The following SEC16A variants were observed in gnomAD, a reference collection of about 807,000 sequenced individuals.
The protein encoded by SEC16A is SEC16 homolog A, endoplasmic reticulum export factor, also known as protein transport protein Sec16A.
In SEC16A, 110 loss-of-function variants were observed where a neutral mutation model predicts 221.9. The ratio of observed to expected loss-of-function variants is 0.50; its 90% CI spans 0.42 to 0.58. The LOEUF (loss-of-function observed/expected upper bound fraction) is 0.58, where lower values mean the gene tolerates loss of function less well. Among genes scored for constraint, SEC16A ranks in the 20% least tolerant of loss-of-function variants. SEC16A has a pLI of 0.00. For missense variants in SEC16A, 3,165 were observed against 3,097.8 expected (o/e 1.02, Z -0.52); for synonymous variants, 1,393 against 1,257.7 (o/e 1.11, Z -2.28).
intron 5 of SEC16A, among the ~76,000 whole-genome samples, chr9:136,467,936 C>A (rs1840359099): frequency 6.6e-6 from 1 of 152,234 alleles, no homozygotes; most frequent in Non-Finnish European, 1.5e-5. Flanking sequence ...TGGACGTCGC[C>A]AGGGAGCACC....
chr9:136,475,447 C>T lies in SEC16A; in HGVS notation c.2169G>A (p.Thr723=), dbSNP rs373365249. 10 of 1,609,678 alleles carry T rather than the reference C, an allele frequency of 6.2e-6. No individual in the cohort carries two copies. The highest frequency in any genetic ancestry group is 1.3e-5 in the African/African-American group (1 of 74,808). ...GCAGCTCACTTTGCGCCCACAGAGTCGTTGCTGGGCTCTCACACTTCACGG... is the reference window on the plus strand; with the variant it reads ...GCAGCTCACTTTGCGCCCACAGAGTTGTTGCTGGGCTCTCACACTTCACGG... The part of the protein sequence containing the change: ...QGPVKCESPA[T]TLWAQSELPD... The change falls in exon 3 of 32, where the codon ACG becomes ACA. Residue 723 remains threonine (T), a synonymous_variant. Transcript: ENST00000684901. The surrounding 1 kb of genome is among the most constrained non-coding windows in gnomAD (Gnocchi z 5.0).
Position 136,447,270 on chromosome 9 carries a change from G to A in SEC16A, c.6654C>T (p.Leu2218=), listed in dbSNP as rs1324208039. ...ALAPADFVAP[L]APLPIPSNLF... is the part of the protein sequence containing the mutation. ...AGTTAGAAGGAATTGGGAGTGGCGC[G>A]AGTGGAGCGACAAAGTCCGCAGGAG... The change falls in exon 27 of 32, where the codon CTC becomes CTT. Residue 2218 remains leucine, a synonymous_variant. Coordinates refer to ENST00000684901, the MANE Select transcript of SEC16A (RefSeq NM_014866.2). This position sits in a 1 kb window ranked among gnomAD's most constrained non-coding sequence, Gnocchi z 5.5. 27 of 1,597,520 alleles carry A rather than the reference G, an allele frequency of 1.7e-5. No individual in the cohort carries two copies. In the East Asian group the frequency reaches 3.2e-4, roughly 19 times the overall value.
At position 136,447,485 on chromosome 9, in the gene SEC16A, C is replaced by T; in HGVS notation, c.6559+84G>A. The T allele has an allele frequency of 6.5e-7, 1 of 1,539,150 alleles. No homozygotes were observed. Among genetic ancestry groups the T allele is most frequent in the Middle Eastern group, 1.7e-4 (1 of 5,946 alleles). ...GGGACGTGCGGGAAGCCACCTCCTCCCCACGCACAACAGCTACACATTGGC... is the reference window on the plus strand; with the variant it reads ...GGGACGTGCGGGAAGCCACCTCCTCTCCACGCACAACAGCTACACATTGGC... On this transcript the variant is annotated intron_variant, in intron 26 of 31. Transcript: ENST00000684901. This position sits in a 1 kb window ranked among gnomAD's most constrained non-coding sequence, Gnocchi z 5.5.
In SEC16A at chr9:136,460,500, A is replaced by G. The variant is rs181833362; in HGVS notation, c.4992-377T>C. Among the ~76,000 whole-genome samples the G allele has an allele frequency of 2.5e-3, 374 of 152,072 alleles. 2 individuals carry two copies. Among genetic ancestry groups the G allele is most frequent in the African/African-American group, 8.9e-3 (369 of 41,482 alleles). On this transcript the variant is annotated intron_variant, in intron 13 of 31. Coordinates refer to ENST00000684901, the MANE Select transcript of SEC16A (RefSeq NM_014866.2). ...TAGTAATAAAATAAATTTTTTAAAA[A>G]ATCAGCCCTAAGCCCTCTGATGTAA... is the stretch of plus-strand genomic sequence containing the variant.
chr9:136,477,510 T>C lies in SEC16A; in HGVS notation c.106A>G (p.Asn36Asp), dbSNP rs777440253. The C allele has an allele frequency of 9.3e-6, 15 of 1,613,744 alleles. No individual in the cohort carries two copies. Among genetic ancestry groups the C allele is most frequent in the Non-Finnish European group, 1.3e-5 (15 of 1,179,868 alleles). Residue 36 changes from asparagine (N) to aspartate (D), a missense_variant, in exon 3 of 32, where the codon AAT (asparagine) becomes GAT (aspartate). Asn to Asp is a conservative substitution (Grantham distance 23). This residue lies in a region of SEC16A where 2,030 missense variants were observed against 1,923.1 expected (regional missense o/e 1.06). Transcript: ENST00000684901. ...GTCGGAGCCACTGCTGCATTATTAT[T>C]AGCCCGTCTCCTGTAAGGGCTGCTA... is the stretch of plus-strand genomic sequence containing the variant. ...WASSPYRRRA[N>D]NNAAVAPTTC...
Position 136,472,067 on chromosome 9 carries a change from A to G in SEC16A, c.3612T>C (p.Gly1204=). The G allele has an allele frequency of 1.9e-6, 3 of 1,613,662 alleles. No homozygotes were observed. Among genetic ancestry groups the G allele is most frequent in the Non-Finnish European group, 2.5e-6 (3 of 1,179,882 alleles). ...LYEPRYRPYD[G]AASAYAQNYR... ...AGTTCTGGGCGTAAGCAGACGCAGC[A>G]CCATCATAGGGCCTGTATCGAGGCT... Residue 1204 remains glycine, a synonymous_variant, in exon 4 of 32, where the codon GGT becomes GGC. Transcript: ENST00000684901.
At position 136,476,777 on chromosome 9, in the gene SEC16A, C is replaced by A; in HGVS notation, c.839G>T (p.Arg280Ile). Reference protein sequence around the residue: ...APPAALPSDGRDEVSHLQSGS... With the variant: ...APPAALPSDGIDEVSHLQSGS... Reference sequence around the variant, plus strand: ...ACTTTGCAAGTGGCTCACCTCGTCTCTTCCGTCACTGGGCAAGGCTGCTGG... The same window carrying A: ...ACTTTGCAAGTGGCTCACCTCGTCTATTCCGTCACTGGGCAAGGCTGCTGG... The change falls in exon 3 of 32, where the codon AGA (arginine) becomes ATA (isoleucine). Residue 280 changes from arginine (R) to isoleucine (I), a missense_variant. By Grantham distance (97) the Arg-to-Ile change is moderately conservative. Around this residue, in one of 3 missense-constraint regions of SEC16A, gnomAD observed 2,030 missense variants for 1,923.1 expected, o/e 1.06. Transcript: ENST00000684901. 1 of 1,611,496 alleles carries A rather than the reference C, an allele frequency of 6.2e-7. No individual in the cohort carries two copies. Among genetic ancestry groups the A allele is most frequent in the Non-Finnish European group, 8.5e-7 (1 of 1,178,228 alleles).
rs779401100 is a variant in SEC16A, at chr9:136,466,179, C to T, written c.4129-43G>A. 1.3e-6 allele frequency: 2 copies of T among 1,569,470 alleles called. No individual in the cohort carries two copies. The highest frequency in any genetic ancestry group is 1.2e-5 in the South Asian group (1 of 84,612). On this transcript the variant is annotated intron_variant, in intron 7 of 31. Transcript: ENST00000684901. The surrounding 1 kb of genome is among the most constrained non-coding windows in gnomAD (Gnocchi z 5.5). ...ACGGGCAAAATCAATTCCCCAGGCACAGCAGTAAAACTTTAGGTACATTGC... is the reference window on the plus strand; with the variant it reads ...ACGGGCAAAATCAATTCCCCAGGCATAGCAGTAAAACTTTAGGTACATTGC...
chr9:136,464,353 A>C (rs533691572), intron 9 of SEC16A, 67 bp downstream of exon 9: 2 of 1,463,336 alleles, frequency 1.4e-6, no homozygotes, highest in Non-Finnish European at 1.8e-6. Context: ...GAAGATGACA[A>C]ACTGCAAAGC....
chr9:136,451,546 C>A lies in SEC16A; in HGVS notation c.6160-138G>T, dbSNP rs1837813262. The A allele has an allele frequency of 9.7e-7, 1 of 1,026,988 alleles. No homozygotes were observed. The highest frequency in any genetic ancestry group is 1.4e-6 in the Non-Finnish European group (1 of 733,342). 63.6% of individuals were successfully genotyped at this position (1,026,988 alleles called of 1,614,324 possible). ...GATGACTCTGGTGACCAGAGGGAGG[C>A]AGGAAGGGGGCTGGGGAGAGCAGCC... On this transcript the variant is annotated intron_variant, in intron 22 of 31. Transcript: ENST00000684901.
chr9:136,466,919 G>T lies in SEC16A; in HGVS notation c.3929+38C>A. 1 of 1,597,332 alleles carries T rather than the reference G, an allele frequency of 6.3e-7. No individual in the cohort carries two copies. The highest frequency in any genetic ancestry group is 8.5e-7 in the Non-Finnish European group (1 of 1,173,020). ...AGAGAAGCACTAGCGCGCCCTGGCT[G>T]CCCCCAGCCTCTGCCTCCCCAGGGG... On this transcript the variant is annotated intron_variant, in intron 6 of 31. Coordinates refer to ENST00000684901, the MANE Select transcript of SEC16A (RefSeq NM_014866.2). This position sits in a 1 kb window ranked among gnomAD's most constrained non-coding sequence, Gnocchi z 5.5.
chr9:136,476,440 T>C lies in SEC16A; in HGVS notation c.1176A>G (p.Ala392=). 1 of 1,613,084 alleles carries C rather than the reference T, an allele frequency of 6.2e-7. No homozygotes were observed. The highest frequency in any genetic ancestry group is 1.1e-5 in the South Asian group (1 of 91,064). ...ENEENLSSEK[A]GLSGQADFDD... ...CAAAGTCCGCTTGACCAGATAAGCC[T>C]GCTTTTTCAGATGAGAGATTCTCCT... Residue 392 remains alanine (A), a synonymous_variant, in exon 3 of 32, where the codon GCA becomes GCG. Coordinates refer to ENST00000684901, the MANE Select transcript of SEC16A (RefSeq NM_014866.2).
At chr9:136,479,292 C>G (rs1316119706) in intron 1 of SEC16A, among the ~76,000 whole-genome samples, 1 of 152,180 alleles carries the variant, frequency 6.6e-6, no homozygotes, top group Non-Finnish European at 1.5e-5. Flanking sequence ...CATGAACAAA[C>G]AGATAAGTTT....
chr9:136,484,460 A>G, upstream of SEC16A: 5 of 1,206,974 alleles, frequency 4.1e-6, no homozygotes, highest in Non-Finnish European at 5.3e-6. Flanking sequence ...TGCCGGGCCC[A>G]CTCACCTGCA....
Position 136,463,477 on chromosome 9 carries a change from A to G in SEC16A, c.4633T>C (p.Cys1545Arg). 3 of 1,613,828 alleles carry G rather than the reference A, an allele frequency of 1.9e-6. No individual in the cohort carries two copies. The highest frequency in any genetic ancestry group is 1.7e-6 in the Non-Finnish European group (2 of 1,179,850). ...SLLWNFIVLL[C>R]RQNGTVVGTD... ...AAGAAACATACCCCATTTTGTCTGC[A>G]TAAGAGAACAATAAAATTCCAAAGA... Residue 1545 changes from cysteine (C) to arginine (R), a missense_variant, in exon 11 of 32, where the codon TGC becomes CGC. By Grantham distance (180) the Cys-to-Arg change is radical (BLOSUM62 -3). This residue lies in a region of SEC16A where 1,088 missense variants were observed against 1,089.6 expected (regional missense o/e 1.00). Transcript: ENST00000684901.
At chr9:136,471,690 A>C (rs141591941) in intron 4 of SEC16A, among the ~76,000 whole-genome samples, 27 of 152,366 alleles carry the variant, frequency 1.8e-4, no homozygotes, top group African/African-American at 6.5e-4. Flanking sequence ...GACAAGTCAG[A>C]GGCTGCTTCT....
chr9:136,476,882 G>A lies in SEC16A; in HGVS notation c.734C>T (p.Thr245Ile). 6.2e-7 allele frequency: 1 copy of A among 1,611,976 alleles called. No individual in the cohort carries two copies. Among genetic ancestry groups the A allele is most frequent in the Non-Finnish European group, 8.5e-7 (1 of 1,179,560 alleles). ...GPVPSGVPCA[T>I]SVPHFPTPSI... ...CGGGGTGGGGAAATGAGGAACGCTGGTGGCACAGGGCACCCCGCTGGGAAC... is the reference window on the plus strand; with the variant it reads ...CGGGGTGGGGAAATGAGGAACGCTGATGGCACAGGGCACCCCGCTGGGAAC... The change falls in exon 3 of 32, where the codon ACC becomes ATC. Residue 245 changes from threonine (T) to isoleucine (I), a missense_variant. Physicochemically the swap from Thr to Ile is moderately conservative, Grantham distance 89 (BLOSUM62 -1). This residue lies in a region of SEC16A where 2,030 missense variants were observed against 1,923.1 expected (regional missense o/e 1.06). Coordinates refer to ENST00000684901, the MANE Select transcript of SEC16A (RefSeq NM_014866.2).
At chr9:136,462,367 CTGTCT>C (rs1341950128) in intron 12 of SEC16A, among the ~76,000 whole-genome samples, 3 of 152,172 alleles carry the variant, frequency 2.0e-5, no homozygotes, top group African/African-American at 7.2e-5. Flanking sequence ...GAGCAGGCTC[CTGTCT>C]CAGGCCCCCC....
intron 23 of SEC16A, among the ~76,000 whole-genome samples, chr9:136,449,381 C>T (rs1837472662): frequency 6.6e-6 from 1 of 152,236 alleles, no homozygotes; most frequent in African/African-American, 2.4e-5. Context: ...TCCTGAGTAG[C>T]TGGGATTACA....
Sources: gnomAD v4.1 joint callset for allele counts (sites outside exome capture counted in the v4.1 genomes callset) on GRCh38, gnomAD v4.1.1 for gene constraint, gnomAD v4.1.1 regional missense constraint, Gnocchi (gnomAD v3.1) non-coding constraint, MANE v1.5 for transcripts, NCBI Gene and HGNC (gene_info 2026-07-23, HGNC 2026-07-21) for gene names.